APOL5: variants seen among roughly 807,000 people sequenced by gnomAD.
The protein encoded by APOL5 is apolipoprotein L, 5.
Under a neutral mutation model 35.5 loss-of-function variants are expected in APOL5, and 29 were observed. The observed-to-expected ratio is 0.82, with a 90% CI of 0.61 to 1.11. The LOEUF (loss-of-function observed/expected upper bound fraction) is 1.11, where lower values mean the gene tolerates loss of function less well. Ranked by LOEUF, APOL5 falls within the 50% of genes most tolerant of loss-of-function variation. The pLI, the probability that APOL5 is intolerant of heterozygous loss-of-function variation, is 0.00. For missense variants in APOL5, 514 were observed against 530.4 expected (o/e 0.97, Z 0.30); for synonymous variants, 188 against 200.2 (o/e 0.94, Z 0.51).
upstream of APOL5, among the ~76,000 whole-genome samples, chr22:35,715,170 C>G (rs905169592): frequency 2.0e-5 from 3 of 152,130 alleles, no homozygotes; most frequent in African/African-American, 7.2e-5. Context: ...TGGACAGACC[C>G]AGAACCTGTC....
chr22:35,714,260 T>A (rs1926674197), upstream of APOL5, among the ~76,000 whole-genome samples: 1 of 152,176 alleles, frequency 6.6e-6, no homozygotes. Context: ...TGCAGTGAGC[T>A]GAGACCATGC....
intron 1 of APOL5, among the ~76,000 whole-genome samples, chr22:35,719,652 T>C (rs1458828314): frequency 1.3e-5 from 2 of 152,222 alleles, no homozygotes; most frequent in African/African-American, 4.8e-5. Flanking sequence ...TTCGGTGCCC[T>C]GCGGCTCAAA....
At chr22:35,720,192 A>G (rs1317360661) in intron 1 of APOL5, among the ~76,000 whole-genome samples, 1 of 152,246 alleles carries the variant, frequency 6.6e-6, no homozygotes, top group Non-Finnish European at 1.5e-5. Context: ...CCATGGGCCC[A>G]GGCCCGAGGG....
chr22:35,722,088 G>A (rs1039527912), intron 2 of APOL5, among the ~76,000 whole-genome samples: 3 of 152,074 alleles, frequency 2.0e-5, no homozygotes, highest in South Asian at 2.1e-4. Flanking sequence ...TTAAGTCTGA[G>A]AAAGCTCCCC....
chr22:35,710,198 C>T, the APOL5 span, among the ~76,000 whole-genome samples: 1 of 139,638 alleles, frequency 7.2e-6, no homozygotes, highest in Non-Finnish European at 1.5e-5. Flanking sequence ...TTATGGCTCA[C>T]TGCAGCCTCA....
intron 2 of APOL5, among the ~76,000 whole-genome samples, chr22:35,720,890 C>T (rs147667623): frequency 4.6e-5 from 7 of 152,054 alleles, no homozygotes; most frequent in East Asian, 1.9e-4. Context: ...GGATTACAGG[C>T]GCCCGCCACC....
At chr22:35,712,013 TG>T in the APOL5 span, among the ~76,000 whole-genome samples, 19 of 151,528 alleles carry the variant, frequency 1.3e-4, no homozygotes, top group Admixed American at 1.2e-3. Context: ...TGTTGCTGTT[TG>T]TTTGTTTTTT....
At chr22:35,710,975 T>C in the APOL5 span, among the ~76,000 whole-genome samples, 198 of 152,338 alleles carry the variant, frequency 1.3e-3, 1 homozygote, top group Admixed American at 3.3e-3. Flanking sequence ...AAGGCCAGAC[T>C]GGCCAACGTG....
intron 2 of APOL5, among the ~76,000 whole-genome samples, chr22:35,722,066 C>T (rs1444734172): frequency 6.6e-6 from 1 of 152,192 alleles, no homozygotes; most frequent in Non-Finnish European, 1.5e-5. Flanking sequence ...AGATTTCCCC[C>T]CAGTGCTCCC....
intron 1 of APOL5, among the ~76,000 whole-genome samples, chr22:35,719,712 G>A (rs911932879): frequency 1.4e-5 from 2 of 147,390 alleles, no homozygotes; most frequent in African/African-American, 2.6e-5. Flanking sequence ...CGTGGGCTCC[G>A]ACCCCACAGC....
At chr22:35,725,755 T>C (rs1399797226) in intron 2 of APOL5, among the ~76,000 whole-genome samples, 1 of 152,022 alleles carries the variant, frequency 6.6e-6, no homozygotes, top group African/African-American at 2.4e-5. Flanking sequence ...GAGTGCAGGG[T>C]CTGAAAAATA....
chr22:35,717,907 CG>C lies in APOL5; in HGVS notation c.38del (p.Gly13ValfsTer20). ...GCAAACAAGGAAATTTGCAAGTTCC[CG>C]GTTCCAAGGTGTTACCTGGTAAGTT... ...CGKQGNLQVPGSKVLPGLGEG... is the reference protein window; with the variant it reads ...CGKQGNLQVPXSKVLPGLGEG... On this transcript the variant is annotated frameshift_variant, in exon 1 of 5. Transcript: ENST00000249044. LOFTEE classifies it high-confidence loss of function. The C allele has an allele frequency of 6.3e-7, 1 of 1,591,052 alleles. No individual in the cohort carries two copies. Among genetic ancestry groups the C allele is most frequent in the Non-Finnish European group, 8.6e-7 (1 of 1,168,844 alleles).
intron 2 of APOL5, among the ~76,000 whole-genome samples, chr22:35,721,256 G>C (rs35352893): frequency 0.3 from 45,506 of 152,044 alleles, 7,311 homozygotes; most frequent in East Asian, 0.59. Context: ...TAAAACCTTT[G>C]GTAAGGGCAG....
the APOL5 span, among the ~76,000 whole-genome samples, chr22:35,712,846 T>C: frequency 2.0e-5 from 3 of 152,220 alleles, no homozygotes; most frequent in Non-Finnish European, 4.4e-5. Flanking sequence ...TTTCAGATTG[T>C]TCACAAGGTG....
chr22:35,728,719 A>T lies in APOL5; in HGVS notation c.1127-4A>T. On this transcript the variant is annotated splice_polypyrimidine_tract_variant and splice_region_variant and intron_variant, in intron 3 of 4. Transcript: ENST00000249044. ...TGTAAGACACAGGGACTCATGTTCC[A>T]CAGGGTCTCGCTCACCTCTCCCCTG... 2.5e-6 allele frequency: 4 copies of T among 1,610,992 alleles called. No individual in the cohort carries two copies. The highest frequency in any genetic ancestry group is 3.4e-6 in the Non-Finnish European group (4 of 1,178,848).
In APOL5 at chr22:35,726,723, A is replaced by C. The variant is rs1040640045; in HGVS notation, c.655A>C (p.Asn219His). 8 of 1,614,130 alleles carry C rather than the reference A, an allele frequency of 5.0e-6. No homozygotes were observed. The highest frequency in any genetic ancestry group is 1.7e-5 in the Admixed American group (1 of 60,014). Residue 219 changes from asparagine (N) to histidine (H), a missense_variant, in exon 3 of 5, where the codon AAT (asparagine) becomes CAT (histidine). By Grantham distance (68) the Asn-to-His change is moderately conservative (BLOSUM62 1). Transcript: ENST00000249044. ...ATCACATGAGGCTTTCGGAGGAATAAATTGGTCTGAAATCGAGGCTGCTGG... is the reference window on the plus strand; with the variant it reads ...ATCACATGAGGCTTTCGGAGGAATACATTGGTCTGAAATCGAGGCTGCTGG... Reference protein sequence around the residue: ...TTSHEAFGGINWSEIEAAGFC... With the variant: ...TTSHEAFGGIHWSEIEAAGFC...
At chr22:35,728,963 T>C in intron 4 of APOL5, 59 bp downstream of exon 4, 6 of 1,418,400 alleles carry the variant, frequency 4.2e-6, no homozygotes, top group Non-Finnish European at 4.7e-6. Context: ...AAGTAACCCC[T>C]CCTTGGGTGG....
chr22:35,717,881 G>T lies in APOL5; in HGVS notation c.10G>T (p.Gly4Cys), dbSNP rs188546228. ...TTAAAAAATCTAAAGCATGCCATGT[G>T]GCAAACAAGGAAATTTGCAAGTTCC... MPC[G>C]KQGNLQVPGS... Residue 4 changes from glycine (G) to cysteine (C), a missense_variant, in exon 1 of 5, where the codon GGC becomes TGC. Around this residue, in one of 3 missense-constraint regions of APOL5, gnomAD observed 254 missense variants for 254.7 expected, o/e 1.00. Transcript: ENST00000249044. 8.8e-6 allele frequency: 14 copies of T among 1,583,436 alleles called. No homozygotes were observed. Among genetic ancestry groups the T allele is most frequent in the Admixed American group, 3.5e-5 (2 of 57,106 alleles).
At chr22:35,719,989 G>A (rs935032968) in intron 1 of APOL5, among the ~76,000 whole-genome samples, 1 of 152,198 alleles carries the variant, frequency 6.6e-6, no homozygotes, top group Non-Finnish European at 1.5e-5. Flanking sequence ...AACTGCCTTT[G>A]GCTAAATTCC....
Sources: allele counts gnomAD v4.1 joint callset (sites outside exome capture counted in the v4.1 genomes callset), GRCh38; gene constraint gnomAD v4.1.1; regional missense constraint gnomAD v4.1.1; transcripts MANE v1.5; gene names NCBI Gene and HGNC (gene_info 2026-07-23, HGNC 2026-07-21).